The following TRAPPC9 variants were observed in gnomAD, a reference collection of about 807,000 sequenced individuals.
The protein encoded by TRAPPC9 is IKK2 binding protein.
A neutral mutation model predicts 124.0 loss-of-function variants in TRAPPC9; 83 were observed. The observed-to-expected ratio is 0.67, with a 90% CI of 0.56 to 0.80. The LOEUF (loss-of-function observed/expected upper bound fraction) is 0.80, where lower values mean the gene tolerates loss of function less well. Ranked by LOEUF, TRAPPC9 falls within the 30% of genes least tolerant of loss-of-function variation. The probability of loss-of-function intolerance (pLI) is 0.00; values close to 1 mark genes in which losing one functional copy is unlikely to be tolerated. For synonymous variants in TRAPPC9, 638 were observed against 617.5 expected, an observed-to-expected ratio of 1.03 and a Z score of -0.49; for missense variants, 1,302 against 1,508.3, an observed-to-expected ratio of 0.86 and a Z score of 2.27.
At chr8:139,936,316 T>C (rs1367084352) in intron 19 of TRAPPC9, among the ~76,000 whole-genome samples, 1 of 152,256 alleles carries the variant, frequency 6.6e-6, no homozygotes, top group Non-Finnish European at 1.5e-5. Flanking sequence ...CGCTTCTTCA[T>C]TCATAACATG....
At chr8:139,979,483 C>T (rs1172894311) in intron 19 of TRAPPC9, among the ~76,000 whole-genome samples, 3 of 152,182 alleles carry the variant, frequency 2.0e-5, no homozygotes, top group African/African-American at 2.4e-5. Flanking sequence ...CTCCTGCACT[C>T]GGGTGCACGG....
At chr8:139,920,448 G>A (rs1228130415) in intron 19 of TRAPPC9, among the ~76,000 whole-genome samples, 6 of 152,174 alleles carry the variant, frequency 3.9e-5, no homozygotes, top group East Asian at 1.9e-4. Context: ...CTAATCTGCC[G>A]TGCCCTTGGG....
At chr8:139,993,224 G>GA (rs534422683) in intron 18 of TRAPPC9, among the ~76,000 whole-genome samples, 73 of 152,094 alleles carry the variant, frequency 4.8e-4, no homozygotes, top group African/African-American at 1.7e-3. Context: ...AAATCAGTAA[G>GA]AAAAAAATGA....
chr8:140,128,362 A>T (rs2061136193), intron 17 of TRAPPC9, among the ~76,000 whole-genome samples: 1 of 152,232 alleles, frequency 6.6e-6, no homozygotes, highest in African/African-American at 2.4e-5. Context: ...TCCATGGGAG[A>T]TGGCTGGTGC....
chr8:140,198,131 A>C (rs1257203079), intron 17 of TRAPPC9, among the ~76,000 whole-genome samples: 3 of 152,204 alleles, frequency 2.0e-5, no homozygotes, highest in Non-Finnish European at 1.5e-5. Flanking sequence ...GATCTAACTT[A>C]ACTGACTCCA....
At chr8:139,963,681 A>C (rs545432183) in intron 19 of TRAPPC9, among the ~76,000 whole-genome samples, 1 of 145,490 alleles carries the variant, frequency 6.9e-6, no homozygotes, top group African/African-American at 2.5e-5. Context: ...AAGCCATTTG[A>C]TAGATGTAAC....
intron 17 of TRAPPC9, among the ~76,000 whole-genome samples, chr8:140,194,420 A>G (rs2131103885): frequency 6.6e-6 from 1 of 152,354 alleles, no homozygotes; most frequent in African/African-American, 2.4e-5. Flanking sequence ...AATAAAATGT[A>G]AATGCTATGT....
intron 6 of TRAPPC9, among the ~76,000 whole-genome samples, chr8:140,399,343 C>T (rs2069188872): frequency 6.6e-6 from 1 of 152,226 alleles, no homozygotes; most frequent in African/African-American, 2.4e-5. Flanking sequence ...CCACTGACAG[C>T]TTGCACTGTG....
chr8:139,797,226 T>C (rs977278340), intron 21 of TRAPPC9, among the ~76,000 whole-genome samples: 2 of 152,074 alleles, frequency 1.3e-5, no homozygotes, highest in Non-Finnish European at 2.9e-5. Context: ...GTGGTGTTCT[T>C]AGAAACACAC....
intron 18 of TRAPPC9, among the ~76,000 whole-genome samples, chr8:140,020,238 C>G (rs1839751943): frequency 6.6e-6 from 1 of 152,158 alleles, no homozygotes; most frequent in African/African-American, 2.4e-5. Context: ...CTCTATAGCA[C>G]TGATATCCAC....
intron 17 of TRAPPC9, among the ~76,000 whole-genome samples, chr8:140,219,071 C>A (rs145781367): frequency 2.0e-5 from 3 of 152,072 alleles, no homozygotes; most frequent in African/African-American, 7.2e-5. Context: ...AAACAGCAGA[C>A]CCGCCAGAAA....
intron 9 of TRAPPC9, among the ~76,000 whole-genome samples, chr8:140,354,256 G>C (rs1033849811): frequency 6.6e-6 from 1 of 152,126 alleles, no homozygotes; most frequent in Admixed American, 6.5e-5. Context: ...AACCCATGAG[G>C]CTTCAGAGGA....
chr8:139,977,880 C>A (rs2131642814), intron 19 of TRAPPC9, among the ~76,000 whole-genome samples: 1 of 152,020 alleles, frequency 6.6e-6, no homozygotes, highest in East Asian at 2.0e-4. Flanking sequence ...GGGGTTTCAC[C>A]ATGTTGGGCA....
intron 17 of TRAPPC9, among the ~76,000 whole-genome samples, chr8:140,032,743 A>G (rs954309959): frequency 1.3e-5 from 2 of 152,234 alleles, no homozygotes. Flanking sequence ...TTTCTGAAAG[A>G]TATATTTTTC....
At chr8:140,060,051 T>C (rs762401971) in intron 17 of TRAPPC9, among the ~76,000 whole-genome samples, 8 of 152,242 alleles carry the variant, frequency 5.3e-5, no homozygotes, top group Non-Finnish European at 1.0e-4. Context: ...AGTTTTCAGT[T>C]GACAAATGTC....
intron 4 of TRAPPC9, among the ~76,000 whole-genome samples, chr8:140,432,468 G>A (rs2070677739): frequency 6.6e-6 from 1 of 152,200 alleles, no homozygotes. Flanking sequence ...TAGTGAGGTT[G>A]AGACCCAGAG....
intron 18 of TRAPPC9, among the ~76,000 whole-genome samples, chr8:140,015,044 T>C (rs1045779181): frequency 2.6e-5 from 4 of 152,258 alleles, no homozygotes; most frequent in Non-Finnish European, 4.4e-5. Context: ...ATAACTCACA[T>C]CCATTTGTAT....
intron 19 of TRAPPC9, among the ~76,000 whole-genome samples, chr8:139,956,691 G>A (rs1835009953): frequency 6.6e-6 from 1 of 152,204 alleles, no homozygotes. Context: ...TGGCGCCTGT[G>A]GATGCAGAGG....
rs1838734099 is a variant in TRAPPC9 at position 140,006,175 on chromosome 8, C to T, written c.2700-17339G>A. ...TGGGAACGTGGTGGCATTTCCCCAT[C>T]AACAACTGAAAAGCAACCCAGTCTT... is the stretch of plus-strand genomic sequence containing the variant. On this transcript the variant is annotated intron_variant, in intron 18 of 22. Transcript: ENST00000438773. Among the ~76,000 whole-genome samples the T allele has an allele frequency of 2.6e-5, 4 of 152,150 alleles. No individual in the cohort carries two copies. The South Asian group carries it at 8.3e-4, about 32-fold the overall frequency.
Sources: gnomAD v4.1 joint callset for allele counts (sites outside exome capture counted in the v4.1 genomes callset) on GRCh38, gnomAD v4.1.1 for gene constraint, MANE v1.5 for transcripts, NCBI Gene and HGNC (gene_info 2026-07-23, HGNC 2026-07-21) for gene names.